VRK2: variants seen among roughly 807,000 people sequenced by gnomAD.
VRK2 encodes serine/threonine-protein kinase VRK2.
Under a neutral mutation model 57.6 loss-of-function variants are expected in VRK2, and 60 were observed. That is an observed-to-expected ratio of 1.04 (90% CI 0.85 to 1.29). The LOEUF is 1.29. Among genes scored for constraint, VRK2 ranks in the 50% most tolerant of loss-of-function variants. The pLI is 0.00. For missense variants in VRK2, 705 were observed against 588.1 expected (o/e 1.20, Z -2.06); for synonymous variants, 231 against 199.2 (o/e 1.16, Z -1.35).
At chr2:58,106,967 CA>C (rs1279462268) in intron 7 of VRK2, among the ~76,000 whole-genome samples, 3 of 151,892 alleles carry the variant, frequency 2.0e-5, no homozygotes, top group South Asian at 2.1e-4. Context: ...TGAGGAGAAA[CA>C]AAAAAGTACT....
In VRK2 at chr2:58,159,701, A is replaced by G. The variant is rs759088086; in HGVS notation, c.*8A>G. The G allele has an allele frequency of 3.7e-6, 6 of 1,612,170 alleles. No individual in the cohort carries two copies. In the South Asian group the frequency reaches 6.6e-5, roughly 18 times the overall value. On this transcript the variant is annotated 3_prime_UTR_variant, in exon 13 of 13. Transcript: ENST00000340157. ...GCTTTATTTTTTCTCTGAAGATGAT[A>G]CCAAAATTCCTTTTGATAATTTTTT... is the stretch of plus-strand genomic sequence containing the variant.
intron 1 of VRK2, among the ~76,000 whole-genome samples, chr2:57,918,515 T>C (rs1389296809): frequency 6.6e-6 from 1 of 152,118 alleles, no homozygotes; most frequent in Non-Finnish European, 1.5e-5. Flanking sequence ...AATGCCACTT[T>C]TAGAGTCTAT....
chr2:58,041,570 C>A (rs1368453009), intron 3 of VRK2, among the ~76,000 whole-genome samples: 1 of 152,152 alleles, frequency 6.6e-6, no homozygotes, highest in African/African-American at 2.4e-5. Flanking sequence ...AAAAATGAAG[C>A]AGTTTATCCC....
chr2:58,131,497 C>G (rs1329769057), intron 8 of VRK2, among the ~76,000 whole-genome samples: 1 of 151,800 alleles, frequency 6.6e-6, no homozygotes, highest in Non-Finnish European at 1.5e-5. Context: ...AGTGTTGGTG[C>G]TGGGTTATGG....
chr2:57,930,084 T>A (rs1670669375), intron 1 of VRK2, among the ~76,000 whole-genome samples: 1 of 152,082 alleles, frequency 6.6e-6, no homozygotes, highest in Non-Finnish European at 1.5e-5. Flanking sequence ...CTCACTAAGT[T>A]GTGGGCCCTG....
chr2:57,976,019 T>G (rs1398022085), intron 1 of VRK2, among the ~76,000 whole-genome samples: 1 of 152,060 alleles, frequency 6.6e-6, no homozygotes, highest in Non-Finnish European at 1.5e-5. Context: ...ATGTGGTATT[T>G]GGTTTTCTGT....
intron 1 of VRK2, among the ~76,000 whole-genome samples, chr2:58,001,020 C>T (rs1173096260): frequency 1.3e-5 from 2 of 152,078 alleles, no homozygotes; most frequent in Non-Finnish European, 1.5e-5. Context: ...GTTCTATATA[C>T]ATAATGTAAT....
At chr2:58,108,963 G>T (rs1329617786) in intron 7 of VRK2, among the ~76,000 whole-genome samples, 1 of 152,114 alleles carries the variant, frequency 6.6e-6, no homozygotes, top group African/African-American at 2.4e-5. Flanking sequence ...ACTTCTTAGG[G>T]TCATGAGGAT....
chr2:58,158,501 G>T (rs746906108), intron 12 of VRK2, among the ~76,000 whole-genome samples: 59 of 152,122 alleles, frequency 3.9e-4, no homozygotes, highest in Admixed American at 1.4e-3. Context: ...TAAAGGTTGA[G>T]AAGGTAGTAG....
intron 7 of VRK2, among the ~76,000 whole-genome samples, chr2:58,116,082 T>G (rs11907702): frequency 6.6e-6 from 1 of 151,788 alleles, no homozygotes; most frequent in Non-Finnish European, 1.5e-5. Context: ...GTAAGGAGAG[T>G]TTATAGGTTT....
intron 2 of VRK2, among the ~76,000 whole-genome samples, chr2:58,027,108 T>C (rs558275157): frequency 1.3e-5 from 2 of 152,096 alleles, no homozygotes; most frequent in Non-Finnish European, 2.9e-5. Flanking sequence ...TGAGTAGTAG[T>C]AGTGTTTTGT....
intron 3 of VRK2, chr2:58,041,076 G>T (rs1411884946): frequency 1.3e-5 from 13 of 984,864 alleles, no homozygotes; most frequent in Non-Finnish European, 1.4e-5. Context: ...TAACTGGGGG[G>T]GAAAAAGGAT....
At chr2:58,047,135 G>A (rs900646853) in intron 1 of VRK2, 1 of 355,278 alleles carries the variant, frequency 2.8e-6, no homozygotes, top group Non-Finnish European at 3.9e-6. Flanking sequence ...AAAAGTGGGT[G>A]GAGTTTCTCT....
chr2:58,015,082 A>T (rs148611870), intron 1 of VRK2, among the ~76,000 whole-genome samples: 1 of 152,096 alleles, frequency 6.6e-6, no homozygotes, highest in African/African-American at 2.4e-5. Context: ...TTATACAATC[A>T]TTTTTTTTAT....
chr2:57,944,861 A>C (rs1417387041), intron 1 of VRK2, among the ~76,000 whole-genome samples: 1 of 152,152 alleles, frequency 6.6e-6, no homozygotes, highest in East Asian at 1.9e-4. Flanking sequence ...GAAAAAGAAG[A>C]AAAACGTGGA....
intron 7 of VRK2, among the ~76,000 whole-genome samples, chr2:58,094,666 C>G (rs528095623): frequency 1.3e-5 from 2 of 152,144 alleles, no homozygotes; most frequent in South Asian, 2.1e-4. Context: ...ACTTAAAGCT[C>G]TCTTATTCAT....
chr2:58,103,390 A>G (rs962228115), intron 7 of VRK2, among the ~76,000 whole-genome samples: 4 of 151,610 alleles, frequency 2.6e-5, no homozygotes, highest in African/African-American at 9.7e-5. Flanking sequence ...AAATACACAT[A>G]ATCAGAAATT....
chr2:57,984,799 A>AC (rs1672544436), intron 1 of VRK2, among the ~76,000 whole-genome samples: 1 of 152,032 alleles, frequency 6.6e-6, no homozygotes, highest in Non-Finnish European at 1.5e-5. Context: ...ATTACTGTTT[A>AC]CCCCCCAAAA....
chr2:57,999,525 G>T (rs764445035), intron 1 of VRK2, among the ~76,000 whole-genome samples: 2 of 152,024 alleles, frequency 1.3e-5, no homozygotes, highest in Non-Finnish European at 2.9e-5. Context: ...TAAAAGCAAA[G>T]ATAATTCACA....
Sources: gnomAD v4.1 joint callset for allele counts (sites outside exome capture counted in the v4.1 genomes callset) on GRCh38, gnomAD v4.1.1 for gene constraint, MANE v1.5 for transcripts, NCBI Gene and HGNC (gene_info 2026-07-23, HGNC 2026-07-21) for gene names.